CLDN16: variants seen among roughly 807,000 people sequenced by gnomAD.
The protein encoded by CLDN16 is claudin-16.
Under a neutral mutation model 24.6 loss-of-function variants are expected in CLDN16, and 13 were observed. The ratio of observed to expected loss-of-function variants is 0.53; its 90% confidence interval spans 0.34 to 0.84. The LOEUF is 0.84. CLDN16 is among the 40% of genes least tolerant of loss of function. The pLI is 0.01. For missense variants in CLDN16, 298 were observed against 292.7 expected (o/e 1.02, Z -0.13); for synonymous variants, 116 against 106.7 (o/e 1.09, Z -0.54).
intron 3 of CLDN16, among the ~76,000 whole-genome samples, chr3:190,378,188 T>A (rs1718285090): frequency 6.6e-6 from 1 of 151,872 alleles, no homozygotes; most frequent in Non-Finnish European, 1.5e-5. Context: ...AAAGAGCTAA[T>A]AATAATTCAA....
upstream of CLDN16, chr3:190,388,143 G>A (rs751044369): frequency 6.2e-7 from 1 of 1,613,936 alleles, no homozygotes; most frequent in Admixed American, 1.7e-5. Flanking sequence ...CCCCACTGTT[G>A]GTTACAGCCT....
rs1426717177 is a variant in CLDN16 at position 190,324,509 on chromosome 3, C to T, written n.121+1848C>T. Reference sequence around the variant, plus strand: ...ACAAATAAATAAATAAATAAATAAACAAATAAATGACATTTTCTGCGTTCA... The same window carrying T: ...ACAAATAAATAAATAAATAAATAAATAAATAAATGACATTTTCTGCGTTCA... On this transcript the variant is annotated intron_variant and non_coding_transcript_variant, in intron 1 of 4. Transcript: ENST00000468220. Among the ~76,000 whole-genome samples the T allele has an allele frequency of 2.6e-5, 4 of 151,604 alleles. No homozygotes were observed. In the Middle Eastern group the frequency reaches 0.01, roughly 389 times the overall value.
the CLDN16 span, among the ~76,000 whole-genome samples, chr3:190,303,138 AT>A: frequency 1.3e-5 from 2 of 152,236 alleles, no homozygotes; most frequent in Non-Finnish European, 2.9e-5. Flanking sequence ...ATCACAAAAA[AT>A]AATTTTAAAA....
chr3:190,395,391 C>T (rs1315168452), intron 1 of CLDN16, among the ~76,000 whole-genome samples: 2 of 151,948 alleles, frequency 1.3e-5, no homozygotes, highest in Non-Finnish European at 2.9e-5. Context: ...TTATTTTAGT[C>T]TTGCTCCCTC....
At chr3:190,359,237 C>A (rs1717838412) in intron 1 of CLDN16, among the ~76,000 whole-genome samples, 1 of 152,016 alleles carries the variant, frequency 6.6e-6, no homozygotes, top group Admixed American at 6.6e-5. Context: ...TTTTGATGAA[C>A]AAAAATTATC....
intron 1 of CLDN16, among the ~76,000 whole-genome samples, chr3:190,350,925 A>G (rs968546781): frequency 2.0e-5 from 3 of 152,054 alleles, no homozygotes; most frequent in African/African-American, 7.2e-5. Flanking sequence ...GTGGTCTGTG[A>G]TATGGTTTGG....
chr3:190,394,080 C>CTT (rs546049315), intron 1 of CLDN16, among the ~76,000 whole-genome samples: 155 of 152,122 alleles, frequency 1.0e-3, no homozygotes, highest in Admixed American at 9.2e-3. Context: ...CATCTATTTC[C>CTT]TTTTTGTCTG....
upstream of CLDN16, among the ~76,000 whole-genome samples, chr3:190,383,939 A>G (rs1351122203): frequency 1.3e-5 from 2 of 152,276 alleles, no homozygotes; most frequent in Non-Finnish European, 2.9e-5. Flanking sequence ...GACCTTTACA[A>G]ACGTTATTCA....
At chr3:190,372,316 A>T (rs1677019913) in intron 2 of CLDN16, among the ~76,000 whole-genome samples, 1 of 151,832 alleles carries the variant, frequency 6.6e-6, no homozygotes, top group Non-Finnish European at 1.5e-5. Context: ...ATGTTCTCTG[A>T]ACTCCAGTTT....
intron 1 of CLDN16, among the ~76,000 whole-genome samples, chr3:190,363,556 G>GTGTATATATA (rs1301414615): frequency 3.4e-4 from 30 of 87,396 alleles, no homozygotes; most frequent in African/African-American, 9.5e-4. Flanking sequence ...GTGTGTGTGT[G>GTGTATATATA]TATATATATA....
At chr3:190,378,128 A>G (rs1718283914) in intron 3 of CLDN16, among the ~76,000 whole-genome samples, 1 of 152,024 alleles carries the variant, frequency 6.6e-6, no homozygotes, top group Admixed American at 6.6e-5. Flanking sequence ...TCCATTAAAC[A>G]CATGCTTATA....
At chr3:190,361,225 C>A (rs1717880754) in intron 1 of CLDN16, among the ~76,000 whole-genome samples, 1 of 151,986 alleles carries the variant, frequency 6.6e-6, no homozygotes, top group Non-Finnish European at 1.5e-5. Context: ...AGTCTTTATA[C>A]TGTTTGTAAA....
the CLDN16 span, among the ~76,000 whole-genome samples, chr3:190,292,923 C>A: frequency 1.4e-4 from 21 of 152,302 alleles, 1 homozygote; most frequent in South Asian, 4.3e-3. Context: ...CTGTTTTCTT[C>A]TGAGGCCTCC....
chr3:190,352,784 G>T (rs1241035986), intron 1 of CLDN16, among the ~76,000 whole-genome samples: 1 of 141,490 alleles, frequency 7.1e-6, no homozygotes, highest in Middle Eastern at 3.6e-3. Context: ...GGGCTCTGTT[G>T]TTTTCTCAGA....
chr3:190,307,246 C>T, the CLDN16 span: 1 of 152,362 alleles, frequency 6.6e-6, no homozygotes, highest in Non-Finnish European at 1.5e-5. Context: ...TTCAGACAAA[C>T]AGACCACACC....
chr3:190,348,087 C>CAAAAA (rs777398020), intron 1 of CLDN16, among the ~76,000 whole-genome samples: 2 of 97,450 alleles, frequency 2.1e-5, no homozygotes, highest in African/African-American at 7.4e-5. Flanking sequence ...ACTGAAAATA[C>CAAAAA]AAAAAAAAAA....
In CLDN16 at chr3:190,394,092, C is replaced by T. The variant is rs760547821; in HGVS notation, c.114+5649C>T. Among the ~76,000 whole-genome samples, 110 of 151,810 alleles carry T rather than the reference C, an allele frequency of 7.2e-4. 1 individual carries two copies. The highest frequency in any genetic ancestry group is 1.4e-3 in the Non-Finnish European group (97 of 67,968). The stretch of plus-strand genomic sequence containing the variant: ...TTACATCTATTTCCTTTTTGTCTGA[C>T]CAGGGAAATAAGACAGATAATAAGT... On this transcript the variant is annotated intron_variant, in intron 1 of 4. Transcript: ENST00000264734.
At chr3:190,292,522 T>C in the CLDN16 span, among the ~76,000 whole-genome samples, 1 of 152,228 alleles carries the variant, frequency 6.6e-6, no homozygotes, top group Non-Finnish European at 1.5e-5. Context: ...CCCCATTGTC[T>C]TGGCTATTAA....
intron 1 of CLDN16, among the ~76,000 whole-genome samples, chr3:190,360,381 G>T (rs1382173826): frequency 6.6e-6 from 1 of 151,882 alleles, no homozygotes; most frequent in Non-Finnish European, 1.5e-5. Flanking sequence ...TCATGTCAAG[G>T]TTTGGGTTTT....
Sources: allele counts gnomAD v4.1 joint callset (sites outside exome capture counted in the v4.1 genomes callset), GRCh38; gene constraint gnomAD v4.1.1; transcripts MANE v1.5; gene names NCBI Gene and HGNC (gene_info 2026-07-23, HGNC 2026-07-21).